The following PMS1 variants were observed in gnomAD, a reference collection of about 807,000 sequenced individuals.
The protein encoded by PMS1 is PMS1 protein homolog 1.
PMS1 carries 79 observed loss-of-function variants against 93.1 expected under a neutral mutation model. The ratio of observed to expected loss-of-function variants is 0.85; its 90% CI spans 0.71 to 1.02. PMS1 has a LOEUF of 1.02. PMS1 is among the 50% of genes least tolerant of loss of function. PMS1 has a pLI of 0.00. For missense variants in PMS1, 1,064 were observed against 1,085.3 expected, an observed-to-expected ratio of 0.98 and a Z score of 0.28; for synonymous variants, 335 against 363.4, an observed-to-expected ratio of 0.92 and a Z score of 0.89.
intron 5 of PMS1, among the ~76,000 whole-genome samples, chr2:189,827,985 G>A (rs1292345716): frequency 6.6e-6 from 1 of 152,088 alleles, no homozygotes; most frequent in Non-Finnish European, 1.5e-5. Context: ...GTGCAGTGGT[G>A]TGATCTCGGC....
intron 4 of PMS1, among the ~76,000 whole-genome samples, chr2:189,808,579 C>G (rs915461444): frequency 6.6e-6 from 1 of 152,134 alleles, no homozygotes; most frequent in African/African-American, 2.4e-5. Context: ...AATCTGCCCT[C>G]CTCAGCCCCG....
intron 12 of PMS1, among the ~76,000 whole-genome samples, chr2:189,874,418 A>T (rs2057394053): frequency 2.0e-5 from 3 of 152,316 alleles, no homozygotes; most frequent in Middle Eastern, 3.4e-3. Flanking sequence ...GGAAATTTTC[A>T]TTTTTGTGAC....
intron 4 of PMS1, among the ~76,000 whole-genome samples, chr2:189,811,413 C>A (rs572865033): frequency 6.6e-6 from 1 of 151,830 alleles, no homozygotes; most frequent in African/African-American, 2.4e-5. Context: ...AATGGTTAAA[C>A]CCCATCTCTA....
At chr2:189,866,947 CAG>C (rs918448521) in intron 10 of PMS1, among the ~76,000 whole-genome samples, 3 of 152,300 alleles carry the variant, frequency 2.0e-5, no homozygotes, top group East Asian at 1.9e-4. Flanking sequence ...TTAGATGAAA[CAG>C]AGTACATGTG....
chr2:189,835,008 G>A (rs1341695050), intron 5 of PMS1, among the ~76,000 whole-genome samples: 2 of 152,166 alleles, frequency 1.3e-5, no homozygotes, highest in Non-Finnish European at 2.9e-5. Context: ...AACATGCCCA[G>A]CTTATTATTT....
intron 2 of PMS1, 122 bp from the exon 3 acceptor site, chr2:189,795,647 C>A (rs1362402937): frequency 1.1e-5 from 9 of 792,158 alleles, no homozygotes; most frequent in African/African-American, 1.7e-5. Flanking sequence ...ACTCTTATAT[C>A]CATAATGCTA....
At chr2:189,867,733 CT>C (rs1175214203) in intron 10 of PMS1, 65 bp from the exon 11 acceptor site, 14 of 1,220,036 alleles carry the variant, frequency 1.1e-5, no homozygotes, top group Non-Finnish European at 1.6e-5. Flanking sequence ...CTAGGATTAA[CT>C]TTTTCCCGTA....
intron 1 of PMS1, among the ~76,000 whole-genome samples, chr2:189,790,811 G>A (rs1398944587): frequency 6.6e-6 from 1 of 152,198 alleles, no homozygotes; most frequent in Non-Finnish European, 1.5e-5. Context: ...GGAACTAAAT[G>A]TGAGAAATAC....
intron 4 of PMS1, chr2:189,807,181 A>G (rs2050417623): frequency 6.1e-6 from 1 of 164,272 alleles, no homozygotes; most frequent in African/African-American, 2.4e-5. Context: ...TTTGCCCATT[A>G]GGAATTGATA....
intron 6 of PMS1, among the ~76,000 whole-genome samples, chr2:189,846,010 C>A (rs1267107450): frequency 1.3e-5 from 2 of 152,126 alleles, no homozygotes; most frequent in African/African-American, 2.4e-5. Flanking sequence ...AGGCGTGAGC[C>A]ACTGCATCTG....
At position 189,839,925 on chromosome 2, in the gene PMS1, C is replaced by T. The variant is rs181953361; in HGVS notation, c.583-4039C>T. Among the ~76,000 whole-genome samples, 8 of 152,098 alleles carry T rather than the reference C, an allele frequency of 5.3e-5. No homozygotes were observed. In the East Asian group the frequency reaches 1.5e-3, roughly 29 times the overall value. ...GACGAAATTAAGGGATTAAAATATG[C>T]TTATGGTGACTCTACATCCCATTTC... is the stretch of plus-strand genomic sequence containing the variant. On this transcript the variant is annotated intron_variant, in intron 5 of 12. Transcript: ENST00000441310.
At chr2:189,835,786 G>A (rs536501456) in intron 5 of PMS1, among the ~76,000 whole-genome samples, 14 of 151,906 alleles carry the variant, frequency 9.2e-5, no homozygotes, top group African/African-American at 3.1e-4. Flanking sequence ...AAATTAGCTG[G>A]GCGTGGTAGT....
chr2:189,785,898 G>T (rs1473936026), intron 1 of PMS1, among the ~76,000 whole-genome samples: 3 of 152,180 alleles, frequency 2.0e-5, no homozygotes, highest in Admixed American at 6.5e-5. Flanking sequence ...GCCAAGGCGG[G>T]CGGATCACCT....
At chr2:189,840,899 ATTTTG>A (rs2053767265) in intron 5 of PMS1, among the ~76,000 whole-genome samples, 1 of 152,158 alleles carries the variant, frequency 6.6e-6, no homozygotes, top group Admixed American at 6.5e-5. Flanking sequence ...GATAAAAATA[ATTTTG>A]TTTTGTCTTC....
intron 11 of PMS1, among the ~76,000 whole-genome samples, chr2:189,871,300 T>TA (rs2057123561): frequency 6.6e-6 from 1 of 151,856 alleles, no homozygotes; most frequent in Admixed American, 6.6e-5. Flanking sequence ...ACACTAATAA[T>TA]AGCTCATGAG....
chr2:189,789,392 A>G (rs2048644879), intron 1 of PMS1, among the ~76,000 whole-genome samples: 1 of 152,158 alleles, frequency 6.6e-6, no homozygotes, highest in Non-Finnish European at 1.5e-5. Flanking sequence ...TGCTGAGTTT[A>G]TGTGTAATAA....
chr2:189,787,537 T>C (rs5742956), intron 1 of PMS1, among the ~76,000 whole-genome samples: 149,378 of 152,206 alleles, frequency 0.98, 73,359 homozygotes, highest in East Asian at 1. Context: ...TAGGACAAAA[T>C]GATATTTGAT....
At chr2:189,803,039 A>G (rs933655107) in intron 3 of PMS1, among the ~76,000 whole-genome samples, 20 of 152,190 alleles carry the variant, frequency 1.3e-4, no homozygotes, top group African/African-American at 4.8e-4. Context: ...ACAGGCAGGC[A>G]GGCATACTCA....
chr2:189,827,747 A>G (rs2052561135), intron 5 of PMS1, among the ~76,000 whole-genome samples: 1 of 152,266 alleles, frequency 6.6e-6, no homozygotes, highest in African/African-American at 2.4e-5. Context: ...CCAGGCACAG[A>G]GAGACAAATA....
Sources: gnomAD v4.1 joint callset for allele counts (sites outside exome capture counted in the v4.1 genomes callset) on GRCh38, gnomAD v4.1.1 for gene constraint, MANE v1.5 for transcripts, NCBI Gene and HGNC (gene_info 2026-07-23, HGNC 2026-07-21) for gene names.